SLIT2: variants seen among roughly 807,000 people sequenced by gnomAD.
SLIT2 encodes slit guidance ligand 2.
Under a neutral mutation model 185.7 loss-of-function variants are expected in SLIT2, and 41 were observed. The ratio of observed to expected loss-of-function variants is 0.22; its 90% CI spans 0.17 to 0.29. The LOEUF (loss-of-function observed/expected upper bound fraction) is 0.29, where lower values mean the gene tolerates loss of function less well. SLIT2 is among the 10% of genes least tolerant of loss of function. The pLI, the probability that SLIT2 is intolerant of heterozygous loss-of-function variation, is 1.00. For missense variants in SLIT2, 1,571 were observed against 1,909.0 expected (o/e 0.82, Z 3.30); for synonymous variants, 693 against 680.2 (o/e 1.02, Z -0.29).
At position 20,253,879 on chromosome 4, in the gene SLIT2, A is replaced by G. The variant is rs1210034807; in HGVS notation, c.64A>G (p.Lys22Glu). The G allele has an allele frequency of 1.9e-6, 3 of 1,601,226 alleles. No individual in the cohort carries two copies. The highest frequency in any genetic ancestry group is 2.5e-6 in the Non-Finnish European group (3 of 1,179,878). ...GGGGTTAGTGCTGGCGATCCTGAACAAGGTGGCACCGCAGGCGTGCCCGGC... is the reference window on the plus strand; with the variant it reads ...GGGGTTAGTGCTGGCGATCCTGAACGAGGTGGCACCGCAGGCGTGCCCGGC... ...SLGLVLAILN[K>E]VAPQACPAQC... Residue 22 changes from lysine (K) to glutamate (E), a missense_variant, in exon 1 of 37, where the codon AAG becomes GAG. Lys to Glu is a moderately conservative substitution (Grantham distance 56). This residue lies in a region of SLIT2 where 1,202 missense variants were observed against 1,416.4 expected (regional missense o/e 0.85). Coordinates refer to ENST00000504154, the MANE Select transcript of SLIT2 (RefSeq NM_004787.4).
At chr4:20,399,674 TCA>T (rs1478014701) in intron 4 of SLIT2, among the ~76,000 whole-genome samples, 1 of 151,720 alleles carries the variant, frequency 6.6e-6, no homozygotes, top group Non-Finnish European at 1.5e-5. Context: ...TTGAGAAAGC[TCA>T]CAGTCTGGTA....
intron 4 of SLIT2, among the ~76,000 whole-genome samples, chr4:20,306,631 C>T (rs1322118198): frequency 1.3e-5 from 2 of 151,992 alleles, no homozygotes; most frequent in African/African-American, 2.4e-5. Context: ...TTTTCGTGTG[C>T]TTTTTTTGTT....
At chr4:20,552,871 T>C (rs1232958479) in intron 25 of SLIT2, 4 of 152,160 alleles carry the variant, frequency 2.6e-5, no homozygotes, top group African/African-American at 9.7e-5. Context: ...AGGTTATGAG[T>C]CCAGGTCTCA....
chr4:20,284,925 T>G (rs1285063973), intron 4 of SLIT2, among the ~76,000 whole-genome samples: 24 of 152,248 alleles, frequency 1.6e-4, no homozygotes, highest in Admixed American at 1.5e-3. Context: ...TGTCTTTACA[T>G]AGGTTTCTAA....
At chr4:20,530,211 A>T (rs1438098762) in intron 16 of SLIT2, among the ~76,000 whole-genome samples, 1 of 151,964 alleles carries the variant, frequency 6.6e-6, no homozygotes, top group African/African-American at 2.4e-5. Flanking sequence ...TTATAGACAT[A>T]TAGGGATTTA....
intron 4 of SLIT2, among the ~76,000 whole-genome samples, chr4:20,438,078 C>A (rs969060051): frequency 1.3e-5 from 2 of 152,092 alleles, no homozygotes; most frequent in African/African-American, 2.4e-5. Flanking sequence ...AAGCTACCTA[C>A]AGCACTCACC....
At chr4:20,615,714 G>A (rs1729597693) in intron 34 of SLIT2, 2 of 152,342 alleles carry the variant, frequency 1.3e-5, no homozygotes, top group South Asian at 2.1e-4. Context: ...CTATGAATGG[G>A]AAAGGAGAAG....
intron 4 of SLIT2, among the ~76,000 whole-genome samples, chr4:20,433,254 T>A (rs1729118266): frequency 6.6e-6 from 1 of 152,244 alleles, no homozygotes; most frequent in African/African-American, 2.4e-5. Flanking sequence ...CATTTCTGCC[T>A]AATGAACTAC....
intron 9 of SLIT2, among the ~76,000 whole-genome samples, chr4:20,500,576 G>A (rs1260871992): frequency 6.6e-6 from 1 of 151,974 alleles, no homozygotes; most frequent in Non-Finnish European, 1.5e-5. Flanking sequence ...CTCTTAAAAA[G>A]TGTCTTGTAT....
At position 20,595,676 on chromosome 4, in the gene SLIT2, A is replaced by G. The variant is rs376421348; in HGVS notation, c.3183-21A>G. 7 of 1,612,508 alleles carry G rather than the reference A, an allele frequency of 4.3e-6. No homozygotes were observed. In the African/African-American group the frequency reaches 8.0e-5, roughly 18 times the overall value. ...TTTTGGCTCAGTTGGGTTTGAAACCATTACCTGCTTGTTCCAACAGATGTG... is the reference window on the plus strand; with the variant it reads ...TTTTGGCTCAGTTGGGTTTGAAACCGTTACCTGCTTGTTCCAACAGATGTG... On this transcript the variant is annotated intron_variant, in intron 30 of 36. Coordinates refer to ENST00000504154, the MANE Select transcript of SLIT2 (RefSeq NM_004787.4).
At chr4:20,456,987 CCAAA>C (rs1332857269) in intron 4 of SLIT2, among the ~76,000 whole-genome samples, 2 of 151,942 alleles carry the variant, frequency 1.3e-5, no homozygotes, top group African/African-American at 2.4e-5. Flanking sequence ...TCTTAGGGAA[CCAAA>C]GAGCAAGTCA....
intron 5 of SLIT2, among the ~76,000 whole-genome samples, chr4:20,468,147 T>C (rs1020226259): frequency 1.3e-5 from 2 of 152,160 alleles, no homozygotes; most frequent in South Asian, 2.1e-4. Context: ...TCAGTAACTA[T>C]GTATTCAGTT....
At chr4:20,376,021 T>C (rs1723985738) in intron 4 of SLIT2, among the ~76,000 whole-genome samples, 1 of 148,710 alleles carries the variant, frequency 6.7e-6, no homozygotes, top group South Asian at 2.1e-4. Context: ...TCAAAAACAA[T>C]AGACCCATTA....
At chr4:20,502,120 A>G (rs1460462895) in intron 9 of SLIT2, among the ~76,000 whole-genome samples, 2 of 152,220 alleles carry the variant, frequency 1.3e-5, no homozygotes, top group Non-Finnish European at 2.9e-5. Context: ...GCAGAAAACT[A>G]TATAATGCCT....
rs188954181 is a variant in SLIT2 at position 20,351,081 on chromosome 4, C to A, written c.395+82200C>A. On this transcript the variant is annotated intron_variant, in intron 4 of 36. Transcript: ENST00000504154. ...TTTTTTTTTTGAGACTGAGTTTTGC[C>A]CTTGTTGCCCAGGCTGAAGTGCAAT... 9.1e-4 allele frequency among the ~76,000 whole-genome samples: 137 copies of A among 150,288 alleles called. 1 individual carries two copies. The highest frequency in any genetic ancestry group is 3.1e-3 in the African/African-American group (127 of 40,958).
At chr4:20,491,989 A>G (rs781473452) in intron 9 of SLIT2, 90 bp downstream of exon 9, 6 of 1,265,538 alleles carry the variant, frequency 4.7e-6, no homozygotes, top group Non-Finnish European at 6.7e-6. Flanking sequence ...TATCGAAGGC[A>G]CATCTGATCA....
intron 4 of SLIT2, among the ~76,000 whole-genome samples, chr4:20,457,564 A>T (rs2148723889): frequency 6.6e-6 from 1 of 152,176 alleles, no homozygotes; most frequent in South Asian, 2.1e-4. Context: ...TGCTGTCCCC[A>T]ACACTTCAAG....
At chr4:20,586,297 GTAAT>G (rs1727055274) in intron 29 of SLIT2, among the ~76,000 whole-genome samples, 1 of 152,194 alleles carries the variant, frequency 6.6e-6, no homozygotes, top group South Asian at 2.1e-4. Flanking sequence ...TCATGAGTGA[GTAAT>G]TAAGCAAAAA....
At chr4:20,318,846 C>T (rs937643384) in intron 4 of SLIT2, among the ~76,000 whole-genome samples, 2 of 152,156 alleles carry the variant, frequency 1.3e-5, no homozygotes, top group African/African-American at 2.4e-5. Flanking sequence ...CACATTTCCA[C>T]TTAGTGTTTG....
Sources: gnomAD v4.1 joint callset for allele counts (sites outside exome capture counted in the v4.1 genomes callset) on GRCh38, gnomAD v4.1.1 for gene constraint, gnomAD v4.1.1 regional missense constraint, MANE v1.5 for transcripts, NCBI Gene and HGNC (gene_info 2026-07-23, HGNC 2026-07-21) for gene names.